ADGRL3: variants seen among roughly 807,000 people sequenced by gnomAD.
ADGRL3 encodes the protein adhesion G protein-coupled receptor L3.
In ADGRL3, 62 loss-of-function variants were observed where a neutral mutation model predicts 153.5. The ratio of observed to expected loss-of-function variants is 0.40; its 90% CI spans 0.33 to 0.50. The LOEUF is 0.50. Among genes scored for constraint, ADGRL3 ranks in the 20% least tolerant of loss-of-function variants. The probability of loss-of-function intolerance (pLI) is 0.47; values close to 1 mark genes in which losing one functional copy is unlikely to be tolerated. For synonymous variants in ADGRL3, 710 were observed against 672.5 expected, an observed-to-expected ratio of 1.06 and a Z score of -0.86; for missense variants, 1,641 against 1,859.4, an observed-to-expected ratio of 0.88 and a Z score of 2.16.
At chr4:61,662,653 A>G (rs1029756038) in intron 5 of ADGRL3, among the ~76,000 whole-genome samples, 3 of 152,192 alleles carry the variant, frequency 2.0e-5, no homozygotes, top group Non-Finnish European at 4.4e-5. Flanking sequence ...AGGCCGACAG[A>G]CTTCTGGGTG....
At chr4:61,644,460 A>C (rs564568017) in intron 5 of ADGRL3, among the ~76,000 whole-genome samples, 1 of 152,246 alleles carries the variant, frequency 6.6e-6, no homozygotes, top group East Asian at 1.9e-4. Flanking sequence ...CACTGCTTTG[A>C]ATGCGTCCCA....
chr4:62,007,065 A>G (rs912577439), intron 21 of ADGRL3, among the ~76,000 whole-genome samples: 9 of 151,986 alleles, frequency 5.9e-5, no homozygotes, highest in African/African-American at 2.2e-4. Context: ...TTGTGGTCCA[A>G]GAATGACTTC....
intron 17 of ADGRL3, among the ~76,000 whole-genome samples, chr4:61,950,717 T>G (rs1177637904): frequency 2.6e-5 from 4 of 152,154 alleles, no homozygotes; most frequent in Non-Finnish European, 5.9e-5. Context: ...TCCCAGAAAG[T>G]TCATTGGCAC....
chr4:61,791,907 A>G (rs1047310880), intron 8 of ADGRL3, among the ~76,000 whole-genome samples: 3 of 152,136 alleles, frequency 2.0e-5, no homozygotes, highest in East Asian at 1.9e-4. Context: ...GACACAGGGT[A>G]CCAAGAGGAG....
intron 9 of ADGRL3, among the ~76,000 whole-genome samples, chr4:61,833,767 G>A (rs1258046868): frequency 6.6e-6 from 1 of 152,116 alleles, no homozygotes. Context: ...CTAGTCCCCA[G>A]GCAAGAAGGG....
intron 9 of ADGRL3, among the ~76,000 whole-genome samples, chr4:61,876,555 T>C (rs1417904753): frequency 6.6e-6 from 1 of 152,124 alleles, no homozygotes; most frequent in African/African-American, 2.4e-5. Flanking sequence ...CTTTTTTTAT[T>C]TTCTGCTTAC....
chr4:62,002,732 T>C (rs1222786309), intron 21 of ADGRL3, among the ~76,000 whole-genome samples: 4 of 152,118 alleles, frequency 2.6e-5, no homozygotes, highest in African/African-American at 4.8e-5. Context: ...TAGGTAATTA[T>C]AGTTAGAGGA....
intron 5 of ADGRL3, among the ~76,000 whole-genome samples, chr4:61,605,665 G>A (rs889568086): frequency 2.6e-5 from 4 of 152,144 alleles, no homozygotes; most frequent in East Asian, 1.9e-4. Flanking sequence ...CCAAAATGCT[G>A]TTGTTTTGGC....
chr4:61,385,541 G>C (rs563448555), intron 2 of ADGRL3: 1 of 152,300 alleles, frequency 6.6e-6, no homozygotes, highest in Non-Finnish European at 1.5e-5. Context: ...CTTCTCTGAA[G>C]GTTTCAGCGC....
intron 9 of ADGRL3, among the ~76,000 whole-genome samples, chr4:61,867,540 A>ATATATATATATAT (rs201200813): frequency 3.9e-4 from 52 of 131,962 alleles, no homozygotes; most frequent in Middle Eastern, 4.1e-3. Context: ...ATATATATAT[A>ATATATATATATAT]ATTGTAGGAG....
chr4:61,783,041 G>A (rs1285813015), intron 8 of ADGRL3, among the ~76,000 whole-genome samples: 1 of 152,070 alleles, frequency 6.6e-6, no homozygotes, highest in Non-Finnish European at 1.5e-5. Flanking sequence ...ACTAGACCTG[G>A]CATTATCAGA....
intron 9 of ADGRL3, among the ~76,000 whole-genome samples, chr4:61,824,230 G>A (rs2097780970): frequency 6.6e-6 from 1 of 152,080 alleles, no homozygotes; most frequent in Non-Finnish European, 1.5e-5. Flanking sequence ...CTCACCAAGT[G>A]ACAAATAATT....
intron 1 of ADGRL3, among the ~76,000 whole-genome samples, chr4:61,251,556 G>C (rs1163791626): frequency 6.6e-6 from 1 of 152,132 alleles, no homozygotes; most frequent in African/African-American, 2.4e-5. Flanking sequence ...GTACAGTGTC[G>C]AGCAACTTGT....
intron 6 of ADGRL3, among the ~76,000 whole-genome samples, chr4:61,705,472 A>G: frequency 6.7e-6 from 1 of 148,572 alleles, no homozygotes; most frequent in East Asian, 1.9e-4. Context: ...TAAGTTATAG[A>G]TTACATATAG....
At chr4:61,343,497 G>T (rs1247530654) in intron 1 of ADGRL3, among the ~76,000 whole-genome samples, 1 of 152,116 alleles carries the variant, frequency 6.6e-6, no homozygotes, top group African/African-American at 2.4e-5. Context: ...AAGGAATCTG[G>T]CCAGTTCAGG....
At chr4:61,625,061 A>G (rs1033568787) in intron 5 of ADGRL3, among the ~76,000 whole-genome samples, 2 of 152,132 alleles carry the variant, frequency 1.3e-5, no homozygotes, top group Non-Finnish European at 2.9e-5. Context: ...AAGAGCTGCA[A>G]ATGTAGAACG....
chr4:61,988,240 CT>C (rs1444456938), intron 19 of ADGRL3, among the ~76,000 whole-genome samples: 1 of 151,958 alleles, frequency 6.6e-6, no homozygotes, highest in Non-Finnish European at 1.5e-5. Flanking sequence ...ACCTTTTTAT[CT>C]GTACTGACAT....
intron 2 of ADGRL3, among the ~76,000 whole-genome samples, chr4:61,456,515 C>T (rs889858918): frequency 7.7e-6 from 1 of 129,912 alleles, no homozygotes; most frequent in African/African-American, 2.9e-5. Flanking sequence ...ATATATATAA[C>T]TATATATACG....
chr4:61,866,866 A>C (rs1202751447), intron 9 of ADGRL3, among the ~76,000 whole-genome samples: 2 of 152,176 alleles, frequency 1.3e-5, no homozygotes, highest in Non-Finnish European at 2.9e-5. Context: ...TGCTTGTTGA[A>C]TAACAAAATT....
Sources: allele counts gnomAD v4.1 joint callset (sites outside exome capture counted in the v4.1 genomes callset), GRCh38; gene constraint gnomAD v4.1.1; transcripts MANE v1.5; gene names NCBI Gene and HGNC (gene_info 2026-07-23, HGNC 2026-07-21).